Variants in PHACTR1 observed in about 807,000 individuals in gnomAD.
PHACTR1 encodes the protein RPEL repeat containing 1.
In PHACTR1, 16 loss-of-function variants were observed where a neutral mutation model predicts 69.2. The observed-to-expected ratio is 0.23, with a 90% CI of 0.16 to 0.35. The LOEUF (loss-of-function observed/expected upper bound fraction) is 0.35, where lower values mean the gene tolerates loss of function less well. Among genes scored for constraint, PHACTR1 ranks in the 10% least tolerant of loss-of-function variants. The pLI, the probability that PHACTR1 is intolerant of heterozygous loss-of-function variation, is 1.00. For missense variants in PHACTR1, 510 were observed against 734.7 expected (o/e 0.69, Z 3.54); for synonymous variants, 312 against 284.5 (o/e 1.10, Z -0.97).
At chr6:12,959,853 A>G (rs1288322742) in intron 4 of PHACTR1, among the ~76,000 whole-genome samples, 4 of 152,228 alleles carry the variant, frequency 2.6e-5, no homozygotes, top group African/African-American at 4.8e-5. Context: ...CACATTTTCT[A>G]TATCAAGGAC....
At chr6:13,146,224 A>G (rs2183072) in intron 5 of PHACTR1, among the ~76,000 whole-genome samples, 21,782 of 152,234 alleles carry the variant, frequency 0.14, 1,755 homozygotes, top group Middle Eastern at 0.21. Context: ...CACAGAGTGC[A>G]TGGTTCCTAA....
chr6:12,906,086 A>C (rs1010265782), intron 4 of PHACTR1, among the ~76,000 whole-genome samples: 2 of 152,236 alleles, frequency 1.3e-5, no homozygotes, highest in African/African-American at 2.4e-5. Context: ...TATATGAGAT[A>C]GTCAGATTCA....
intron 4 of PHACTR1, among the ~76,000 whole-genome samples, chr6:12,836,325 C>A (rs1778155843): frequency 6.6e-6 from 1 of 152,036 alleles, no homozygotes; most frequent in South Asian, 2.1e-4. Context: ...TTTCTTTTTC[C>A]ATTGGGCAAG....
In PHACTR1 at chr6:13,284,231, C is replaced by T. The variant is rs11753321; in HGVS notation, c.1650+669C>T. Reference sequence around the variant, plus strand: ...TTAAGGGCCTTTTTAAAAATGTAGTCTGTGCGCCAGGCACAGTGGCTCACG... The same window carrying T: ...TTAAGGGCCTTTTTAAAAATGTAGTTTGTGCGCCAGGCACAGTGGCTCACG... On this transcript the variant is annotated intron_variant, in intron 13 of 14. Transcript: ENST00000332995. 3.3e-5 allele frequency among the ~76,000 whole-genome samples: 5 copies of T among 152,044 alleles called. No individual in the cohort carries two copies. The East Asian group carries it at 9.7e-4, about 29-fold the overall frequency.
intron 4 of PHACTR1, among the ~76,000 whole-genome samples, chr6:12,867,606 C>T (rs1471674593): frequency 2.0e-5 from 3 of 152,230 alleles, no homozygotes; most frequent in Non-Finnish European, 4.4e-5. Context: ...AATTTTAACA[C>T]TAGCCCTCTT....
At chr6:12,849,072 A>G (rs9296488) in intron 4 of PHACTR1, among the ~76,000 whole-genome samples, 29,833 of 152,088 alleles carry the variant, frequency 0.2, 3,230 homozygotes, top group African/African-American at 0.29. Flanking sequence ...CACAGTGCAA[A>G]TTCTCTAAAG....
chr6:12,796,058 C>A (rs568100609), intron 4 of PHACTR1, among the ~76,000 whole-genome samples: 1 of 151,896 alleles, frequency 6.6e-6, no homozygotes, highest in Non-Finnish European at 1.5e-5. Context: ...CCAAAACCAA[C>A]GAAATTGTTT....
chr6:13,270,222 AGC>A (rs1777444774), intron 10 of PHACTR1, among the ~76,000 whole-genome samples: 1 of 152,266 alleles, frequency 6.6e-6, no homozygotes. Context: ...ACAGATGAAC[AGC>A]CAGATGAAGA....
At chr6:13,271,628 T>A (rs1004266128) in intron 10 of PHACTR1, among the ~76,000 whole-genome samples, 2 of 152,146 alleles carry the variant, frequency 1.3e-5, no homozygotes, top group Non-Finnish European at 2.9e-5. Flanking sequence ...CTTTAAATCA[T>A]CTCTAAATTA....
At chr6:12,724,433 C>T (rs956983538) in intron 3 of PHACTR1, among the ~76,000 whole-genome samples, 3 of 152,180 alleles carry the variant, frequency 2.0e-5, no homozygotes, top group Non-Finnish European at 2.9e-5. Context: ...CTTTGGGAAG[C>T]GGGAATCCTA....
Position 13,283,929 on chromosome 6 carries a change from G to A in PHACTR1, c.1650+367G>A, listed in dbSNP as rs997052937. On this transcript the variant is annotated intron_variant, in intron 13 of 14. Coordinates refer to ENST00000332995, the MANE Select transcript of PHACTR1 (RefSeq NM_030948.6). This position sits in a 1 kb window ranked among gnomAD's most constrained non-coding sequence, Gnocchi z 4.7. ...ATGGTGCTGCCGGCATCCAACGAGG[G>A]ATTCACCAAACCAAAAGAGAAGACA... 4.3e-6 allele frequency: 1 copy of A among 233,722 alleles called. No homozygotes were observed. The highest frequency in any genetic ancestry group is 2.2e-5 in the African/African-American group (1 of 44,512). 14.5% of individuals were successfully genotyped at this position (233,722 alleles called of 1,614,324 possible). A position where few individuals can be genotyped will look rare whatever the true frequency, so the allele number is the denominator to read the frequency against.
At chr6:13,097,712 C>T (rs1247861345) in intron 5 of PHACTR1, among the ~76,000 whole-genome samples, 1 of 152,108 alleles carries the variant, frequency 6.6e-6, no homozygotes, top group African/African-American at 2.4e-5. Flanking sequence ...TTTAGCCATC[C>T]TATTATGTTT....
chr6:12,778,127 TG>T (rs1770332190), intron 4 of PHACTR1, among the ~76,000 whole-genome samples: 1 of 152,254 alleles, frequency 6.6e-6, no homozygotes, highest in Non-Finnish European at 1.5e-5. Flanking sequence ...ATTGTGTCTC[TG>T]GCATTGACTT....
chr6:13,164,211 T>C (rs1049975400), intron 6 of PHACTR1, among the ~76,000 whole-genome samples: 1 of 152,162 alleles, frequency 6.6e-6, no homozygotes, highest in Non-Finnish European at 1.5e-5. Context: ...TTCTATAATA[T>C]CATTCTTTTT....
rs547990839 is a variant in PHACTR1 at position 12,776,344 on chromosome 6, A to G, written c.250+26554A>G. Among the ~76,000 whole-genome samples the G allele has an allele frequency of 2.2e-4, 33 of 152,328 alleles. No homozygotes were observed. The South Asian group carries it at 6.2e-3, about 29-fold the overall frequency. On this transcript the variant is annotated intron_variant, in intron 4 of 14. Transcript: ENST00000332995. ...TTAATTTGGTCCAAAATAAGAAAATAATCTTTCTACTTGTGCTGAAAAAGC... is the reference window on the plus strand; with the variant it reads ...TTAATTTGGTCCAAAATAAGAAAATGATCTTTCTACTTGTGCTGAAAAAGC...
chr6:12,859,536 T>A (rs1780732456), intron 4 of PHACTR1, among the ~76,000 whole-genome samples: 1 of 152,220 alleles, frequency 6.6e-6, no homozygotes, highest in African/African-American at 2.4e-5. Flanking sequence ...TTGACACTTA[T>A]GATGGGTTTT....
intron 4 of PHACTR1, among the ~76,000 whole-genome samples, chr6:13,003,208 C>T (rs1199784048): frequency 6.6e-6 from 1 of 152,138 alleles, no homozygotes; most frequent in African/African-American, 2.4e-5. Flanking sequence ...TATTTCTGTG[C>T]ATTAGACTTG....
Position 12,918,237 on chromosome 6 carries a change from G to A in PHACTR1, c.251-135128G>A, listed in dbSNP as rs936746222. Among the ~76,000 whole-genome samples the A allele has an allele frequency of 4.6e-5, 7 of 151,306 alleles. No homozygotes were observed. The East Asian group carries it at 9.8e-4, about 21-fold the overall frequency. ...TGAAGGCTGGCTATTTGGCCCACTCGCAAATCTCCTTGACACTTTCCTCCT... is the reference window on the plus strand; with the variant it reads ...TGAAGGCTGGCTATTTGGCCCACTCACAAATCTCCTTGACACTTTCCTCCT... On this transcript the variant is annotated intron_variant, in intron 4 of 14. Transcript: ENST00000332995.
chr6:13,180,943 A>G (rs1762097872), intron 6 of PHACTR1, among the ~76,000 whole-genome samples: 1 of 152,056 alleles, frequency 6.6e-6, no homozygotes. Context: ...ATTGATCCCA[A>G]TTATAATAAC....
Sources: gnomAD v4.1 joint callset for allele counts (sites outside exome capture counted in the v4.1 genomes callset) on GRCh38, gnomAD v4.1.1 for gene constraint, Gnocchi (gnomAD v3.1) non-coding constraint, MANE v1.5 for transcripts, NCBI Gene and HGNC (gene_info 2026-07-23, HGNC 2026-07-21) for gene names.